TEDC2: variants seen among roughly 807,000 people sequenced by gnomAD.
TEDC2 encodes the protein tubulin epsilon and delta complex protein 2.
Under a neutral mutation model 48.1 loss-of-function variants are expected in TEDC2, and 49 were observed. That is an observed-to-expected ratio of 1.02 (90% CI 0.81 to 1.29). The LOEUF is 1.29. Ranked by LOEUF, TEDC2 falls within the 50% of genes most tolerant of loss-of-function variation. The pLI, the probability that TEDC2 is intolerant of heterozygous loss-of-function variation, is 0.00. For missense variants in TEDC2, 631 were observed against 571.4 expected, an observed-to-expected ratio of 1.10 and a Z score of -1.06; for synonymous variants, 299 against 247.1, an observed-to-expected ratio of 1.21 and a Z score of -1.97.
intron 6 of TEDC2, 39 bp from the exon 7 acceptor site, chr16:2,462,376 G>A: frequency 6.2e-7 from 1 of 1,609,214 alleles, no homozygotes. Flanking sequence ...GGAGCAGAGG[G>A]GCTTTGGCTG....
chr16:2,464,045 C>T lies in TEDC2; in HGVS notation c.971C>T (p.Ala324Val), dbSNP rs377495646. The T allele has an allele frequency of 2.8e-5, 45 of 1,611,572 alleles. No homozygotes were observed. The highest frequency in any genetic ancestry group is 8.9e-5 in the East Asian group (4 of 44,854). Reference protein sequence around the residue: ...HRLQELRAAVAEQPPRPCPVG... With the variant: ...HRLQELRAAVVEQPPRPCPVG... The stretch of plus-strand genomic sequence containing the variant: ...CATTCTCCTGTGCACACAGCGGTGG[C>T]GGAACAGCCACCAAGACCATGTCCT... The change falls in exon 9 of 10, where the codon GCG becomes GTG. Residue 324 changes from alanine (A) to valine (V), a missense_variant. By Grantham distance (64) the Ala-to-Val change is moderately conservative. Transcript: ENST00000361837.
At position 2,460,805 on chromosome 16, in the gene TEDC2, G is replaced by C. The variant is rs757913210; in HGVS notation, c.197-11G>C. On this transcript the variant is annotated splice_polypyrimidine_tract_variant and intron_variant, in intron 3 of 9. Transcript: ENST00000361837. ...GGGGAGAGATCCCTGCATAATTCTT[G>C]GCTTTCACAGCATGCACACCCAGTC... 6.2e-6 allele frequency: 10 copies of C among 1,610,622 alleles called. No homozygotes were observed. The South Asian group carries it at 1.1e-4, about 18-fold the overall frequency.
Position 2,460,170 on chromosome 16 carries a change from G to A in TEDC2, c.26G>A (p.Arg9Gln), listed in dbSNP as rs1488321694. The change falls in exon 1 of 10, where the codon CGG becomes CAG. Residue 9 changes from arginine to glutamine, a missense_variant and splice_region_variant. Coordinates refer to ENST00000361837, the MANE Select transcript of TEDC2 (RefSeq NM_025108.3). ...ATGCTGCCGGCGGGCTGCTCGCGCC[G>A]GTGAGGCCTGCGCGGCAGGAGGGGG... The part of the protein sequence containing the change: MLPAGCSR[R>Q]LVAELQGALD... 1.5e-6 allele frequency: 2 copies of A among 1,373,378 alleles called. No individual in the cohort carries two copies. The highest frequency in any genetic ancestry group is 1.7e-5 in the South Asian group (1 of 58,726). 85.1% of individuals were successfully genotyped at this position (1,373,378 alleles called of 1,614,324 possible). A position where few individuals can be genotyped will look rare whatever the true frequency, so the allele number is the denominator to read the frequency against.
chr16:2,462,500 T>G lies in TEDC2; in HGVS notation c.836T>G (p.Leu279Arg). The part of the protein sequence containing the change: ...RLRKACSLLR[L>R]RMREELSAAP... Reference sequence around the variant, plus strand: ...CGGAAGGCCTGCTCGCTGCTGAGACTGCGCATGAGGGAGGAGCTCTCGGCA... The same window carrying G: ...CGGAAGGCCTGCTCGCTGCTGAGACGGCGCATGAGGGAGGAGCTCTCGGCA... Residue 279 changes from leucine to arginine, a missense_variant, in exon 7 of 10, where the codon CTG (leucine) becomes CGG (arginine). By Grantham distance (102) the Leu-to-Arg change is moderately radical. Transcript: ENST00000361837. The G allele has an allele frequency of 6.2e-7, 1 of 1,606,852 alleles. No individual in the cohort carries two copies. Among genetic ancestry groups the G allele is most frequent in the Non-Finnish European group, 8.5e-7 (1 of 1,177,084 alleles).
chr16:2,461,261 C>G, intron 4 of TEDC2, 37 bp downstream of exon 4: 5 of 1,438,994 alleles, frequency 3.5e-6, no homozygotes, highest in Non-Finnish European at 4.6e-6. Context: ...GGACTTCTGT[C>G]TCTGCCTCCT....
intron 2 of TEDC2, 105 bp from the exon 3 acceptor site, chr16:2,460,518 C>A (rs994161857): frequency 6.5e-7 from 1 of 1,531,522 alleles, no homozygotes. Context: ...CCTTACCCTG[C>A]AGGCTCTGAG....
chr16:2,460,392 C>A lies in TEDC2; in HGVS notation c.125+11C>A, dbSNP rs143671558. The A allele has an allele frequency of 1.2e-3, 1,818 of 1,544,798 alleles. 32 individuals carry two copies. The Admixed American group carries it at 0.024, about 21-fold the overall frequency. On this transcript the variant is annotated intron_variant, in intron 2 of 9. Coordinates refer to ENST00000361837, the MANE Select transcript of TEDC2 (RefSeq NM_025108.3). The stretch of plus-strand genomic sequence containing the variant: ...GCTGCTGCATGCCTGGTACGCGGAC[C>A]CCGGACCCACTGGCCAGACCTCCCT...
chr16:2,464,011 C>A (rs372529217), intron 8 of TEDC2, 28 bp from the exon 9 acceptor site: 1 of 1,591,084 alleles, frequency 6.3e-7, no homozygotes, highest in African/African-American at 1.3e-5. Flanking sequence ...GCTGCTACCC[C>A]AAAGGCCACA....
chr16:2,463,129 G>A (rs1328926530), intron 8 of TEDC2, among the ~76,000 whole-genome samples: 2 of 151,420 alleles, frequency 1.3e-5, no homozygotes, highest in African/African-American at 4.9e-5. Flanking sequence ...AGACCATCCT[G>A]GCTAACACGG....
At position 2,460,891 on chromosome 16, in the gene TEDC2, G is replaced by A; in HGVS notation, c.272G>A (p.Arg91Gln). The change falls in exon 4 of 10, where the codon CGA (arginine) becomes CAA (glutamine). Residue 91 changes from arginine (R) to glutamine (Q), a missense_variant. Arg to Gln is a conservative substitution (Grantham distance 43). Coordinates refer to ENST00000361837, the MANE Select transcript of TEDC2 (RefSeq NM_025108.3). ...TQALEKAVRV[R>Q]RGITKAGERD... Reference sequence around the variant, plus strand: ...GCACTGGAGAAGGCTGTACGAGTTCGAAGAGGCATCACTAAGGCCGGAGAG... The same window carrying A: ...GCACTGGAGAAGGCTGTACGAGTTCAAAGAGGCATCACTAAGGCCGGAGAG... 1.9e-6 allele frequency: 3 copies of A among 1,613,572 alleles called. No homozygotes were observed. Among genetic ancestry groups the A allele is most frequent in the East Asian group, 2.2e-5 (1 of 44,886 alleles).
intron 8 of TEDC2, 125 bp downstream of exon 8, chr16:2,462,857 G>A: frequency 2.3e-6 from 2 of 866,888 alleles, no homozygotes; most frequent in East Asian, 2.7e-5. Flanking sequence ...AAGTTGGTGG[G>A]CCCCTCCACC....
intron 2 of TEDC2, 91 bp downstream of exon 2, chr16:2,460,472 G>C (rs1162582430): frequency 2.7e-6 from 4 of 1,499,136 alleles, no homozygotes; most frequent in East Asian, 2.5e-5. Context: ...GGGCGCAGCC[G>C]CCCACTTCGG....
rs2065481591 is a variant in TEDC2, at chr16:2,463,677, G to T, written c.965-362G>T. 7.2e-5 allele frequency among the ~76,000 whole-genome samples: 11 copies of T among 152,138 alleles called. No homozygotes were observed. In the South Asian group the frequency reaches 2.3e-3, roughly 32 times the overall value. ...GCTCGTGAGAATCAGCTCCTGGGAG[G>T]TGACTCGCCTGGGATTGCGTGAGGT... On this transcript the variant is annotated intron_variant, in intron 8 of 9. Transcript: ENST00000361837.
chr16:2,461,539 GC>G, intron 4 of TEDC2: 1 of 655,922 alleles, frequency 1.5e-6, no homozygotes. Flanking sequence ...CGCTCACAGG[GC>G]CCCCTCTTCT....
intron 8 of TEDC2, 120 bp downstream of exon 8, chr16:2,462,852 G>T: frequency 1.1e-6 from 1 of 930,532 alleles, no homozygotes; most frequent in Non-Finnish European, 1.6e-6. Context: ...GATGCAAGTT[G>T]GTGGGCCCCT....
chr16:2,464,539 CCT>C lies in TEDC2; in HGVS notation c.1175_1176del (p.Leu392ProfsTer38). 1 of 1,579,696 alleles carries C rather than the reference CCT, an allele frequency of 6.3e-7. No homozygotes were observed. The highest frequency in any genetic ancestry group is 8.6e-7 in the Non-Finnish European group (1 of 1,169,414). On this transcript the variant is annotated frameshift_variant, in exon 10 of 10. Transcript: ENST00000361837. LOFTEE classifies it low-confidence loss of function (END_TRUNC). ...HLEKVLMAEL[L>X]PLVSAAQPQG... is the part of the protein sequence containing the mutation. Reference sequence around the variant, plus strand: ...GCCCCCAGGTCCTGATGGCTGAACTCCTCCCCCTGGTAAGCGCTGCACAGCCG... The same window carrying C: ...GCCCCCAGGTCCTGATGGCTGAACTCCCCCCTGGTAAGCGCTGCACAGCCG...
chr16:2,461,748 C>A lies in TEDC2; in HGVS notation c.607C>A (p.His203Asn). 6.2e-7 allele frequency: 1 copy of A among 1,613,310 alleles called. No homozygotes were observed. The highest frequency in any genetic ancestry group is 8.5e-7 in the Non-Finnish European group (1 of 1,179,984). ...PEAFTLKEKGHLLRLPAAFRK... is the reference protein window; with the variant it reads ...PEAFTLKEKGNLLRLPAAFRK... ...TCTGAACACGGGCTTCTCCGACAGG[C>A]ACCTGCTGCGGCTGCCTGCGGCATT... The change falls in exon 5 of 10, where the codon CAC becomes AAC. Residue 203 changes from histidine (H) to asparagine (N), a missense_variant and splice_region_variant. Coordinates refer to ENST00000361837, the MANE Select transcript of TEDC2 (RefSeq NM_025108.3).
At chr16:2,461,411 T>A in intron 4 of TEDC2, 187 bp downstream of exon 4, 1 of 805,034 alleles carries the variant, frequency 1.2e-6, no homozygotes, top group Non-Finnish European at 1.8e-6. Context: ...GTTGGCACCA[T>A]CAGGTCAGGG....
intron 8 of TEDC2, among the ~76,000 whole-genome samples, chr16:2,463,439 C>T (rs1260153164): frequency 3.3e-5 from 5 of 151,914 alleles, no homozygotes; most frequent in South Asian, 2.1e-4. Context: ...CCAGCCTGGC[C>T]GACATGACGA....
Sources: allele counts gnomAD v4.1 joint callset (sites outside exome capture counted in the v4.1 genomes callset), GRCh38; gene constraint gnomAD v4.1.1; transcripts MANE v1.5; gene names NCBI Gene and HGNC (gene_info 2026-07-23, HGNC 2026-07-21).